The following ZFPM1 variants were observed in gnomAD, a reference collection of about 807,000 sequenced individuals.
The protein encoded by ZFPM1 is zinc finger protein, FOG family member 1, also known as zinc finger protein ZFPM1.
A neutral mutation model predicts 46.3 loss-of-function variants in ZFPM1; 28 were observed. The observed-to-expected ratio is 0.60, with a 90% CI of 0.45 to 0.83. ZFPM1 has a LOEUF of 0.83. Among genes scored for constraint, ZFPM1 ranks in the 40% least tolerant of loss-of-function variants. The pLI is 0.00. For synonymous variants in ZFPM1, 957 were observed against 675.9 expected (o/e 1.42, Z -6.45); for missense variants, 1,878 against 1,432.4 (o/e 1.31, Z -5.02).
At chr16:88,523,432 C>T (rs1224090538) in intron 4 of ZFPM1, among the ~76,000 whole-genome samples, 3 of 152,228 alleles carry the variant, frequency 2.0e-5, no homozygotes, top group African/African-American at 7.2e-5. Context: ...CCAGCGTCTC[C>T]TGGCCGCGGC....
chr16:88,514,372 G>T lies in ZFPM1; in HGVS notation c.269-15G>T, dbSNP rs576272693. 1 of 1,562,568 alleles carries T rather than the reference G, an allele frequency of 6.4e-7. No individual in the cohort carries two copies. The highest frequency in any genetic ancestry group is 2.4e-5 in the East Asian group (1 of 42,044). Reference sequence around the variant, plus strand: ...CAGACCGGGCACGCCTCATGCCTGCGATGTCTCTCTGCAGACGAGCTGGAG... The same window carrying T: ...CAGACCGGGCACGCCTCATGCCTGCTATGTCTCTCTGCAGACGAGCTGGAG... On this transcript the variant is annotated splice_polypyrimidine_tract_variant and intron_variant, in intron 3 of 9. Transcript: ENST00000319555.
At chr16:88,517,933 A>G (rs1327417503) in intron 4 of ZFPM1, among the ~76,000 whole-genome samples, 6 of 152,072 alleles carry the variant, frequency 3.9e-5, no homozygotes, top group African/African-American at 1.4e-4. Flanking sequence ...GGGTGAGGCC[A>G]GGCGCAGTGG....
At chr16:88,461,913 T>C (rs113691391) in intron 1 of ZFPM1, among the ~76,000 whole-genome samples, 2,269 of 152,316 alleles carry the variant, frequency 0.015, 46 homozygotes, top group African/African-American at 0.052. Context: ...TGAGGTTATG[T>C]GACGTGGGAG....
At chr16:88,465,086 C>T (rs1296074708) in intron 1 of ZFPM1, among the ~76,000 whole-genome samples, 2 of 152,128 alleles carry the variant, frequency 1.3e-5, no homozygotes, top group Admixed American at 6.5e-5. Context: ...AGCCCTTGGC[C>T]GTTTCTCCCA....
At chr16:88,503,162 G>T (rs549231594) in intron 3 of ZFPM1, among the ~76,000 whole-genome samples, 1 of 152,236 alleles carries the variant, frequency 6.6e-6, no homozygotes, top group Admixed American at 6.5e-5. Context: ...CCTGAGCAGC[G>T]GCACAGGGGA....
chr16:88,515,787 A>G (rs1567547550), intron 4 of ZFPM1, among the ~76,000 whole-genome samples: 2 of 152,212 alleles, frequency 1.3e-5, no homozygotes, highest in African/African-American at 2.4e-5. Flanking sequence ...GAAGGAAGCC[A>G]TGGTGTTTAG....
At chr16:88,498,593 G>A (rs1910073641) in intron 3 of ZFPM1, among the ~76,000 whole-genome samples, 1 of 152,202 alleles carries the variant, frequency 6.6e-6, no homozygotes, top group Non-Finnish European at 1.5e-5. Context: ...CATGTCCGAG[G>A]GGCAGGCAGA....
chr16:88,459,320 C>G (rs193060121), intron 1 of ZFPM1, among the ~76,000 whole-genome samples: 1 of 152,188 alleles, frequency 6.6e-6, no homozygotes, highest in South Asian at 2.1e-4. Context: ...GGACGCTCAG[C>G]TCAAAATAGA....
chr16:88,484,676 G>C (rs559102592), intron 1 of ZFPM1, among the ~76,000 whole-genome samples: 2 of 152,248 alleles, frequency 1.3e-5, no homozygotes, highest in African/African-American at 4.8e-5. Flanking sequence ...GTCGCAGCAC[G>C]CAGGCTGAGT....
At chr16:88,519,531 A>AGTGG (rs1189040665) in intron 4 of ZFPM1, among the ~76,000 whole-genome samples, 2 of 124,734 alleles carry the variant, frequency 1.6e-5, no homozygotes, top group Non-Finnish European at 3.4e-5. Context: ...TGGATGAATG[A>AGTGG]GTGGGTGGGT....
chr16:88,526,991 C>A, intron 5 of ZFPM1, 75 bp downstream of exon 5: 1 of 1,489,956 alleles, frequency 6.7e-7, no homozygotes, highest in Non-Finnish European at 9.0e-7. Flanking sequence ...GGGCTGAGCC[C>A]TTAAAGGGAA....
At chr16:88,528,955 G>A (rs895828166) in intron 6 of ZFPM1, among the ~76,000 whole-genome samples, 1 of 152,138 alleles carries the variant, frequency 6.6e-6, no homozygotes, top group Non-Finnish European at 1.5e-5. Context: ...GGCTCTCTCG[G>A]AAACTCTGAG....
Position 88,469,211 on chromosome 16 carries a change from C to T in ZFPM1, c.40+15533C>T, listed in dbSNP as rs940982644. Reference sequence around the variant, plus strand: ...TCCACCCTCTCCCCGCGCTGACTTCCATCCGGAACCTCATTCTGCCAAGCT... The same window carrying T: ...TCCACCCTCTCCCCGCGCTGACTTCTATCCGGAACCTCATTCTGCCAAGCT... On this transcript the variant is annotated intron_variant, in intron 1 of 9. Transcript: ENST00000319555. This position sits in a 1 kb window ranked among gnomAD's most constrained non-coding sequence, Gnocchi z 4.3. Among the ~76,000 whole-genome samples the T allele has an allele frequency of 2.0e-5, 3 of 152,232 alleles. No individual in the cohort carries two copies. Among genetic ancestry groups the T allele is most frequent in the Non-Finnish European group, 4.4e-5 (3 of 68,042 alleles).
Position 88,532,191 on chromosome 16 carries a change from G to T in ZFPM1, c.902G>T (p.Cys301Phe). ...VCPFPQCRKS[C>F]PSASSLEIHM... ...CCCTTCCCCCAGTGCCGCAAGAGCT[G>T]CCCCAGCGCCAGCTCCCTGGAGATC... The change falls in exon 7 of 10, where the codon TGC (cysteine) becomes TTC (phenylalanine). Residue 301 changes from cysteine to phenylalanine, a missense_variant. Transcript: ENST00000319555. 1 of 1,610,266 alleles carries T rather than the reference G, an allele frequency of 6.2e-7. No individual in the cohort carries two copies.
chr16:88,491,737 C>T (rs536130696), intron 3 of ZFPM1, among the ~76,000 whole-genome samples: 1 of 152,212 alleles, frequency 6.6e-6, no homozygotes, highest in Non-Finnish European at 1.5e-5. Context: ...CAGGACCAGG[C>T]GGTGCCCTAT....
intron 1 of ZFPM1, among the ~76,000 whole-genome samples, chr16:88,473,642 C>T (rs972705227): frequency 3.3e-5 from 5 of 152,254 alleles, no homozygotes; most frequent in African/African-American, 9.6e-5. Flanking sequence ...CTCCGTGAGC[C>T]GCGGCCCCCG....
chr16:88,532,475 G>GAGA, intron 7 of ZFPM1, 139 bp from the exon 8 acceptor site: 1 of 928,608 alleles, frequency 1.1e-6, no homozygotes, highest in South Asian at 1.7e-5. Flanking sequence ...GGCGGAGGAG[G>GAGA]AGGAGGAGGG....
At chr16:88,531,383 G>A (rs907870689) in intron 6 of ZFPM1, among the ~76,000 whole-genome samples, 3 of 152,188 alleles carry the variant, frequency 2.0e-5, no homozygotes, top group Admixed American at 2.0e-4. Context: ...CCCATTTGGG[G>A]TCAGTGTGGT....
At chr16:88,498,786 G>T (rs1039084118) in intron 3 of ZFPM1, among the ~76,000 whole-genome samples, 1 of 152,250 alleles carries the variant, frequency 6.6e-6, no homozygotes, top group Non-Finnish European at 1.5e-5. Flanking sequence ...CGGCTGCAGA[G>T]GGTGGTTATC....
Sources: allele counts gnomAD v4.1 joint callset (sites outside exome capture counted in the v4.1 genomes callset), GRCh38; gene constraint gnomAD v4.1.1; non-coding constraint Gnocchi (gnomAD v3.1); transcripts MANE v1.5; gene names NCBI Gene and HGNC (gene_info 2026-07-23, HGNC 2026-07-21).